The following RAPGEF6 variants were observed in gnomAD, a reference collection of about 807,000 sequenced individuals.
RAPGEF6 encodes the protein PDZ domain containing guanine nucleotide exchange factor (GEF) 2.
Under a neutral mutation model 171.4 loss-of-function variants are expected in RAPGEF6, and 56 were observed. The observed-to-expected ratio is 0.33, with a 90% confidence interval of 0.26 to 0.41. The LOEUF (loss-of-function observed/expected upper bound fraction) is 0.41. Among genes scored for constraint, RAPGEF6 ranks in the 10% least tolerant of loss-of-function variants. RAPGEF6 has a pLI of 1.00. For missense variants in RAPGEF6, 1,674 were observed against 1,921.4 expected, an observed-to-expected ratio of 0.87 and a Z score of 2.41; for synonymous variants, 692 against 650.1, an observed-to-expected ratio of 1.06 and a Z score of -0.98.
chr5:131,432,274 A>G (rs1751754604), intron 25 of RAPGEF6, among the ~76,000 whole-genome samples: 1 of 152,182 alleles, frequency 6.6e-6, no homozygotes, highest in Non-Finnish European at 1.5e-5. Context: ...TGCAGGGGGT[A>G]GCAAACTACA....
intron 5 of RAPGEF6, among the ~76,000 whole-genome samples, chr5:131,561,475 T>C (rs1295349657): frequency 6.6e-6 from 1 of 151,934 alleles, no homozygotes; most frequent in Non-Finnish European, 1.5e-5. Flanking sequence ...CTGGCCAACA[T>C]GGTGAAACCC....
chr5:131,481,951 G>A (rs1755516722), intron 15 of RAPGEF6, among the ~76,000 whole-genome samples: 1 of 151,968 alleles, frequency 6.6e-6, no homozygotes, highest in South Asian at 2.1e-4. Flanking sequence ...TTTGGAAAAC[G>A]ACAGAAAAGG....
intron 3 of RAPGEF6, among the ~76,000 whole-genome samples, chr5:131,597,255 T>C (rs1472758741): frequency 6.6e-6 from 1 of 151,644 alleles, no homozygotes; most frequent in Admixed American, 6.6e-5. Context: ...GGAACACTTA[T>C]ACACTGTTGG....
At chr5:131,530,821 C>G (rs966428709) in intron 6 of RAPGEF6, among the ~76,000 whole-genome samples, 1 of 152,102 alleles carries the variant, frequency 6.6e-6, no homozygotes, top group African/African-American at 2.4e-5. Flanking sequence ...AAAAACAACC[C>G]CTATATCTCA....
intron 4 of RAPGEF6, among the ~76,000 whole-genome samples, chr5:131,575,421 T>G (rs889072282): frequency 3.3e-5 from 5 of 152,100 alleles, no homozygotes; most frequent in Admixed American, 6.5e-5. Flanking sequence ...CGTATCCCCC[T>G]CTAAAGCCCA....
intron 7 of RAPGEF6, among the ~76,000 whole-genome samples, chr5:131,520,911 T>C (rs1459409624): frequency 6.6e-6 from 1 of 152,202 alleles, no homozygotes; most frequent in Middle Eastern, 3.2e-3. Context: ...TCTTGGGTTT[T>C]AGAAAATGGA....
intron 6 of RAPGEF6, among the ~76,000 whole-genome samples, chr5:131,528,193 AT>A (rs1484719190): frequency 2.4e-5 from 3 of 125,888 alleles, no homozygotes; most frequent in African/African-American, 9.4e-5. Flanking sequence ...TTATATTATA[AT>A]TATATATATT....
chr5:131,581,559 T>C (rs1006193822), intron 4 of RAPGEF6, among the ~76,000 whole-genome samples: 3 of 152,082 alleles, frequency 2.0e-5, no homozygotes, highest in African/African-American at 7.2e-5. Context: ...CTCTCCCACT[T>C]AGGTTCCCGT....
intron 3 of RAPGEF6, among the ~76,000 whole-genome samples, chr5:131,599,921 C>T (rs1020679340): frequency 6.6e-6 from 1 of 152,144 alleles, no homozygotes; most frequent in African/African-American, 2.4e-5. Context: ...GTTTCTAATG[C>T]AACACAGTAA....
At chr5:131,442,188 CAT>C (rs1752428609) in intron 23 of RAPGEF6, among the ~76,000 whole-genome samples, 159 bp downstream of exon 23, 1 of 152,192 alleles carries the variant, frequency 6.6e-6, no homozygotes, top group South Asian at 2.1e-4. Context: ...TGTCAGCAAA[CAT>C]CTATAGGCAA....
chr5:131,482,295 T>C (rs1257747277), intron 15 of RAPGEF6, among the ~76,000 whole-genome samples: 2 of 152,136 alleles, frequency 1.3e-5, no homozygotes, highest in East Asian at 3.9e-4. Context: ...TGTGTATACA[T>C]GTATATATGT....
In RAPGEF6 at chr5:131,424,733, T is replaced by G. The variant is rs1376300101; in HGVS notation, c.*2533A>C. The G allele has an allele frequency of 3.3e-5, 5 of 152,324 alleles. No homozygotes were observed. The highest frequency in any genetic ancestry group is 1.2e-4 in the African/African-American group (5 of 41,468). 9.4% of individuals were successfully genotyped at this position (152,324 alleles called of 1,614,324 possible). On this transcript the variant is annotated 3_prime_UTR_variant, in exon 28 of 28. Coordinates refer to ENST00000509018, the MANE Select transcript of RAPGEF6 (RefSeq NM_016340.6). ...AATAAGCTTTTATGGAATCATGTAC[T>G]GGATTTACTAATTCTCAAAATCTTT...
At chr5:131,532,921 G>A (rs1008514366) in intron 6 of RAPGEF6, 6 of 152,564 alleles carry the variant, frequency 3.9e-5, no homozygotes, top group East Asian at 1.9e-4. Flanking sequence ...TTCTGCTAAA[G>A]CAAGACTGAA....
chr5:131,623,194 TCTATATTTTTCTGTGATGTTCC>T (rs1428133852), intron 1 of RAPGEF6, among the ~76,000 whole-genome samples: 9 of 152,322 alleles, frequency 5.9e-5, no homozygotes, highest in East Asian at 1.9e-4. Context: ...TGGGCATTAA[TCTATATTTTTCTGTGATGTTCC>T]CTGCAAATGT....
chr5:131,438,192 C>G (rs1176534039), intron 24 of RAPGEF6, among the ~76,000 whole-genome samples: 2 of 152,152 alleles, frequency 1.3e-5, no homozygotes, highest in African/African-American at 2.4e-5. Flanking sequence ...GTTTCACCAT[C>G]TTGGCCAGGC....
chr5:131,577,421 T>C (rs905363831), intron 4 of RAPGEF6, among the ~76,000 whole-genome samples: 6 of 152,322 alleles, frequency 3.9e-5, no homozygotes, highest in African/African-American at 1.4e-4. Context: ...CAGGGTATAG[T>C]CCATTTGAAC....
chr5:131,532,490 C>A (rs942385040), intron 6 of RAPGEF6, among the ~76,000 whole-genome samples: 1 of 152,154 alleles, frequency 6.6e-6, no homozygotes, highest in Admixed American at 6.5e-5. Context: ...GCAAATCAGG[C>A]AACATGCACC....
chr5:131,505,582 T>C (rs1301754116), intron 9 of RAPGEF6, 60 bp from the exon 10 acceptor site: 21 of 1,434,694 alleles, frequency 1.5e-5, no homozygotes, highest in East Asian at 2.3e-5. Context: ...CATGTTAACT[T>C]TGAAAAAGAA....
intron 14 of RAPGEF6, among the ~76,000 whole-genome samples, chr5:131,490,033 T>C (rs967941232): frequency 6.6e-6 from 1 of 152,216 alleles, no homozygotes; most frequent in African/African-American, 2.4e-5. Context: ...ATTTACTGAA[T>C]TTCAAAGAGA....
Sources: gnomAD v4.1 joint callset for allele counts (sites outside exome capture counted in the v4.1 genomes callset) on GRCh38, gnomAD v4.1.1 for gene constraint, MANE v1.5 for transcripts, NCBI Gene and HGNC (gene_info 2026-07-23, HGNC 2026-07-21) for gene names.